Variants in SOX5 observed in about 807,000 individuals in gnomAD.
The protein encoded by SOX5 is transcription factor SOX-5.
Under a neutral mutation model 92.0 loss-of-function variants are expected in SOX5, and 9 were observed. The ratio of observed to expected loss-of-function variants is 0.10; its 90% CI spans 0.06 to 0.17. SOX5 has a LOEUF of 0.17. SOX5 is among the 10% of genes least tolerant of loss of function. The pLI is 1.00. For synonymous variants in SOX5, 344 were observed against 336.3 expected, an observed-to-expected ratio of 1.02 and a Z score of -0.25; for missense variants, 642 against 944.5, an observed-to-expected ratio of 0.68 and a Z score of 4.20.
chr12:24,224,876 G>T (rs1205160862), intron 3 of SOX5, among the ~76,000 whole-genome samples: 1 of 152,046 alleles, frequency 6.6e-6, no homozygotes, highest in South Asian at 2.1e-4. Context: ...CCACACAGAG[G>T]CTACATAGGC....
chr12:24,084,936 T>C (rs1423989639), intron 4 of SOX5, among the ~76,000 whole-genome samples: 1 of 152,142 alleles, frequency 6.6e-6, no homozygotes, highest in East Asian at 1.9e-4. Context: ...TGATTATATT[T>C]ATATAAATCA....
intron 4 of SOX5, among the ~76,000 whole-genome samples, chr12:24,036,910 A>T (rs888084792): frequency 6.6e-6 from 1 of 152,190 alleles, no homozygotes; most frequent in Non-Finnish European, 1.5e-5. Context: ...GTTTAAATTA[A>T]CACACACATT....
chr12:24,033,216 AAG>A (rs1420927589), intron 4 of SOX5, among the ~76,000 whole-genome samples: 2 of 151,980 alleles, frequency 1.3e-5, no homozygotes, highest in Non-Finnish European at 2.9e-5. Flanking sequence ...ATTCTGCAGA[AAG>A]AGGAATGAAA....
intron 7 of SOX5, among the ~76,000 whole-genome samples, chr12:23,664,619 G>A (rs1164249260): frequency 6.6e-6 from 1 of 151,994 alleles, no homozygotes; most frequent in East Asian, 1.9e-4. Context: ...GACTAACAAT[G>A]TGCAATTTAT....
At chr12:24,353,718 G>A (rs1327169694) in intron 2 of SOX5, among the ~76,000 whole-genome samples, 1 of 151,982 alleles carries the variant, frequency 6.6e-6, no homozygotes, top group Non-Finnish European at 1.5e-5. Flanking sequence ...TTGGCTCACT[G>A]CAACCCCCGC....
chr12:24,234,445 T>C (rs1229290755), intron 3 of SOX5, among the ~76,000 whole-genome samples: 1 of 152,178 alleles, frequency 6.6e-6, no homozygotes, highest in Non-Finnish European at 1.5e-5. Flanking sequence ...TGGCACAATC[T>C]CGGTTCACTG....
At chr12:24,129,928 A>C (rs773048634) in intron 4 of SOX5, among the ~76,000 whole-genome samples, 8 of 152,236 alleles carry the variant, frequency 5.3e-5, no homozygotes, top group Non-Finnish European at 1.2e-4. Flanking sequence ...TATTTTAAAT[A>C]GTTCTAACAT....
intron 1 of SOX5, among the ~76,000 whole-genome samples, chr12:24,392,697 G>A (rs2174905): frequency 1.3e-5 from 2 of 151,924 alleles, no homozygotes; most frequent in South Asian, 4.2e-4. Flanking sequence ...GAACCCAAAC[G>A]CTTTGAGAGC....
rs904464538 is a variant in SOX5, at chr12:23,532,352, C to CG, written c.*1866dup. 11 of 151,978 alleles carry CG rather than the reference C, an allele frequency of 7.2e-5. No individual in the cohort carries two copies. Among genetic ancestry groups the CG allele is most frequent in the Admixed American group, 4.6e-4 (7 of 15,276 alleles). 9.4% of individuals were successfully genotyped at this position (151,978 alleles called of 1,614,324 possible). On this transcript the variant is annotated 3_prime_UTR_variant, in exon 15 of 15. Coordinates refer to ENST00000451604, the MANE Select transcript of SOX5 (RefSeq NM_006940.6). ...AAAATCCAACTTTAGGGTGGTGTTT[C>CG]GGGGGGTGAGATAGGAAAATGATGA...
intron 1 of SOX5, among the ~76,000 whole-genome samples, chr12:24,369,041 G>C (rs1184884762): frequency 1.3e-5 from 2 of 152,142 alleles, no homozygotes; most frequent in African/African-American, 2.4e-5. Flanking sequence ...TAAAGTAAGG[G>C]TAACTGTAGT....
chr12:23,870,591 A>C (rs1400531386), intron 2 of SOX5, among the ~76,000 whole-genome samples: 1 of 152,146 alleles, frequency 6.6e-6, no homozygotes, highest in African/African-American at 2.4e-5. Context: ...CACTTGTATG[A>C]TCCAACACTG....
chr12:24,242,888 G>A (rs576344566), intron 3 of SOX5, among the ~76,000 whole-genome samples: 38 of 152,138 alleles, frequency 2.5e-4, no homozygotes, highest in Non-Finnish European at 5.0e-4. Context: ...TAACACTTAA[G>A]TGTATATGTA....
chr12:23,637,487 C>T (rs191341875), intron 8 of SOX5, among the ~76,000 whole-genome samples: 1 of 152,252 alleles, frequency 6.6e-6, no homozygotes, highest in Admixed American at 6.5e-5. Flanking sequence ...AGTCAATGTT[C>T]ATTACTGTCT....
intron 7 of SOX5, among the ~76,000 whole-genome samples, chr12:23,651,695 G>C (rs2081580711): frequency 6.6e-6 from 1 of 152,050 alleles, no homozygotes; most frequent in African/African-American, 2.4e-5. Context: ...AGGAGGGGCT[G>C]AGATTGAGTT....
chr12:23,646,928 TA>T (rs2080934559), intron 7 of SOX5, among the ~76,000 whole-genome samples: 1 of 152,204 alleles, frequency 6.6e-6, no homozygotes, highest in African/African-American at 2.4e-5. Context: ...AAAATCCTGT[TA>T]ATGTTGGTAT....
At chr12:23,708,015 A>C (rs558085942) in intron 6 of SOX5, among the ~76,000 whole-genome samples, 16 of 152,114 alleles carry the variant, frequency 1.1e-4, no homozygotes, top group Non-Finnish European at 2.1e-4. Flanking sequence ...GTGCGAAAAC[A>C]AAAAAATAAA....
intron 1 of SOX5, among the ~76,000 whole-genome samples, chr12:24,548,896 C>T (rs1032897647): frequency 1.2e-4 from 19 of 152,112 alleles, no homozygotes; most frequent in Non-Finnish European, 2.5e-4. Context: ...TCTTCATCAC[C>T]GTTATTATGA....
intron 9 of SOX5, among the ~76,000 whole-genome samples, chr12:23,576,219 T>C (rs1169035654): frequency 1.3e-5 from 2 of 151,792 alleles, no homozygotes; most frequent in South Asian, 2.1e-4. Flanking sequence ...AGAAAAGGGG[T>C]TGGATCTGAT....
intron 8 of SOX5, among the ~76,000 whole-genome samples, chr12:23,620,328 A>G (rs1028014085): frequency 1.3e-5 from 2 of 152,144 alleles, no homozygotes; most frequent in Non-Finnish European, 2.9e-5. Flanking sequence ...TTCTATTTCT[A>G]CAAGATTAGT....
Sources: allele counts gnomAD v4.1 joint callset (sites outside exome capture counted in the v4.1 genomes callset), GRCh38; gene constraint gnomAD v4.1.1; transcripts MANE v1.5; gene names NCBI Gene and HGNC (gene_info 2026-07-23, HGNC 2026-07-21).